Variants in SCYL2 observed in about 807,000 individuals in gnomAD.
The protein encoded by SCYL2 is SCY1-like protein 2.
SCYL2 carries 36 observed loss-of-function variants against 100.4 expected under a neutral mutation model. The observed-to-expected ratio is 0.36, with a 90% CI of 0.27 to 0.47. The LOEUF is 0.47. Among genes scored for constraint, SCYL2 ranks in the 20% least tolerant of loss-of-function variants. SCYL2 has a pLI of 1.00. For synonymous variants in SCYL2, 330 were observed against 359.2 expected (o/e 0.92, Z 0.92); for missense variants, 902 against 1,083.9 (o/e 0.83, Z 2.36).
At chr12:100,329,430 T>G in intron 13 of SCYL2, 111 bp downstream of exon 13, 1 of 570,274 alleles carries the variant, frequency 1.8e-6, no homozygotes. Context: ...GAGGGGAGAA[T>G]ATGCCACAGA....
chr12:100,287,509 A>G (rs1475943464), intron 2 of SCYL2, among the ~76,000 whole-genome samples: 2 of 152,168 alleles, frequency 1.3e-5, no homozygotes, highest in African/African-American at 4.8e-5. Flanking sequence ...AATGGGACAT[A>G]CACTGTATTG....
At chr12:100,323,669 C>A (rs1366952806) in intron 11 of SCYL2, 31 bp downstream of exon 11, 3 of 1,184,160 alleles carry the variant, frequency 2.5e-6, no homozygotes, top group Non-Finnish European at 3.7e-6. Flanking sequence ...TTTTGTTTTT[C>A]TTTTCACTTG....
intron 1 of SCYL2, among the ~76,000 whole-genome samples, chr12:100,278,976 T>A (rs2096295405): frequency 6.6e-6 from 1 of 152,192 alleles, no homozygotes; most frequent in African/African-American, 2.4e-5. Context: ...TTACTTGTTT[T>A]CTGTGGCTGC....
intron 10 of SCYL2, among the ~76,000 whole-genome samples, chr12:100,319,965 C>CTACA (rs925245582): frequency 6.6e-6 from 1 of 152,124 alleles, no homozygotes; most frequent in Non-Finnish European, 1.5e-5. Context: ...ATTTAAGAGG[C>CTACA]TACAGATGGT....
Position 100,341,560 on chromosome 12 carries a change from A to T in SCYL2, c.*2388A>T, listed in dbSNP as rs1215996339. 6.6e-6 allele frequency: 1 copy of T among 152,204 alleles called. No individual in the cohort carries two copies. The highest frequency in any genetic ancestry group is 1.9e-4 in the East Asian group (1 of 5,204). 9.4% of individuals were successfully genotyped at this position (152,204 alleles called of 1,614,324 possible). A position where few individuals can be genotyped will look rare whatever the true frequency, so the allele number is the denominator to read the frequency against. On this transcript the variant is annotated 3_prime_UTR_variant, in exon 18 of 18. Transcript: ENST00000360820. ...TTGTTTTTATTTTGGAATGCTTATA[A>T]GCCTCCTTTACACTGAATAAGGAAG...
chr12:100,284,651 C>T (rs1453218061), intron 2 of SCYL2, among the ~76,000 whole-genome samples: 2 of 152,042 alleles, frequency 1.3e-5, no homozygotes, highest in African/African-American at 4.8e-5. Context: ...TTAGTAGAGA[C>T]GGGGTTTCAC....
intron 1 of SCYL2, among the ~76,000 whole-genome samples, chr12:100,279,638 G>A (rs2096296042): frequency 6.6e-6 from 1 of 152,126 alleles, no homozygotes; most frequent in Admixed American, 6.6e-5. Context: ...ATTGATTTTA[G>A]AGTGGATTTA....
intron 3 of SCYL2, among the ~76,000 whole-genome samples, chr12:100,294,765 T>A (rs2096316520): frequency 2.1e-5 from 3 of 139,580 alleles, no homozygotes; most frequent in South Asian, 4.9e-4. Flanking sequence ...CCCACCTCCC[T>A]CCCGGACGGG....
chr12:100,296,664 TA>T (rs1355369138), intron 3 of SCYL2: 1 of 151,438 alleles, frequency 6.6e-6, no homozygotes. Context: ...GTAATTTTAG[TA>T]GGATGACAGT....
At position 100,314,629 on chromosome 12, in the gene SCYL2, G is replaced by A. The variant is rs751466285; in HGVS notation, c.1095+15G>A. 1 of 1,578,396 alleles carries A rather than the reference G, an allele frequency of 6.3e-7. No homozygotes were observed. The highest frequency in any genetic ancestry group is 8.6e-7 in the Non-Finnish European group (1 of 1,166,844). ...AACTGCCCAAGGTTTGTTATTGTTA[G>A]TTTCTTATTAATAATCAGGATTTTA... On this transcript the variant is annotated intron_variant, in intron 8 of 17. Coordinates refer to ENST00000360820, the MANE Select transcript of SCYL2 (RefSeq NM_017988.6).
At chr12:100,296,811 G>A (rs1018228817) in intron 3 of SCYL2, 19 of 152,016 alleles carry the variant, frequency 1.2e-4, no homozygotes, top group Non-Finnish European at 1.2e-4. Context: ...AATGAGCTAC[G>A]TGTTGGGAGT....
At position 100,312,413 on chromosome 12, in the gene SCYL2, A is replaced by G; in HGVS notation, c.631-19A>G. 1 of 1,543,566 alleles carries G rather than the reference A, an allele frequency of 6.5e-7. No homozygotes were observed. Among genetic ancestry groups the G allele is most frequent in the Non-Finnish European group, 8.9e-7 (1 of 1,117,938 alleles). On this transcript the variant is annotated intron_variant, in intron 5 of 17. Coordinates refer to ENST00000360820, the MANE Select transcript of SCYL2 (RefSeq NM_017988.6). Reference sequence around the variant, plus strand: ...GGTTGAATTTGAAGTAACCCATGTAATTCCTTTTCTTACTACAGCCTAAAT... The same window carrying G: ...GGTTGAATTTGAAGTAACCCATGTAGTTCCTTTTCTTACTACAGCCTAAAT...
chr12:100,319,328 T>C (rs186535618), intron 10 of SCYL2: 33 of 452,570 alleles, frequency 7.3e-5, no homozygotes, highest in African/African-American at 5.6e-4. Flanking sequence ...AAAGAAATTG[T>C]GAATTATAGC....
chr12:100,309,996 CTTTTA>C (rs1219910686), intron 4 of SCYL2, among the ~76,000 whole-genome samples: 1 of 150,646 alleles, frequency 6.6e-6, no homozygotes, highest in African/African-American at 2.5e-5. Flanking sequence ...TTTTCTTTCT[CTTTTA>C]TTTTGTTTTT....
chr12:100,290,792 C>T (rs756952841), intron 2 of SCYL2, among the ~76,000 whole-genome samples: 1 of 152,126 alleles, frequency 6.6e-6, no homozygotes, highest in South Asian at 2.1e-4. Flanking sequence ...TAACACATCA[C>T]CTATCAGTAG....
intron 4 of SCYL2, among the ~76,000 whole-genome samples, chr12:100,303,141 T>G (rs2096329807): frequency 6.6e-6 from 1 of 152,182 alleles, no homozygotes. Flanking sequence ...TTATTCTAGT[T>G]AGCAATTCCT....
intron 5 of SCYL2, among the ~76,000 whole-genome samples, chr12:100,312,000 G>A (rs2096342773): frequency 6.6e-6 from 1 of 152,136 alleles, no homozygotes. Context: ...TCATGAGTGG[G>A]TCAGACACTG....
chr12:100,278,851 A>G (rs2096295235), intron 1 of SCYL2, among the ~76,000 whole-genome samples: 1 of 152,014 alleles, frequency 6.6e-6, no homozygotes, highest in Non-Finnish European at 1.5e-5. Flanking sequence ...GATGGTCTCC[A>G]TCTTTTGACC....
At chr12:100,336,587 A>G (rs1952280387) in intron 16 of SCYL2, among the ~76,000 whole-genome samples, 2 of 152,136 alleles carry the variant, frequency 1.3e-5, no homozygotes, top group South Asian at 4.1e-4. Flanking sequence ...CAGCAGGGGT[A>G]CATGATGTAT....
Sources: gnomAD v4.1 joint callset for allele counts (sites outside exome capture counted in the v4.1 genomes callset) on GRCh38, gnomAD v4.1.1 for gene constraint, MANE v1.5 for transcripts, NCBI Gene and HGNC (gene_info 2026-07-23, HGNC 2026-07-21) for gene names.